DNM3: variants seen among roughly 807,000 people sequenced by gnomAD.
DNM3 encodes dynamin 3.
In DNM3, 47 loss-of-function variants were observed where a neutral mutation model predicts 101.6. That is an observed-to-expected ratio of 0.46 (90% CI 0.37 to 0.59). The LOEUF (loss-of-function observed/expected upper bound fraction) is 0.59. DNM3 is among the 20% of genes least tolerant of loss of function. DNM3 has a pLI of 0.00. For synonymous variants in DNM3, 385 were observed against 387.9 expected, an observed-to-expected ratio of 0.99 and a Z score of 0.09; for missense variants, 849 against 1,085.7, an observed-to-expected ratio of 0.78 and a Z score of 3.06.
intron 18 of DNM3, chr1:172,380,766 T>C (rs1410402702): frequency 6.6e-6 from 1 of 151,996 alleles, no homozygotes; most frequent in Non-Finnish European, 1.5e-5. Flanking sequence ...TTAAATGAAT[T>C]CAGGTTGTTT....
intron 1 of DNM3, among the ~76,000 whole-genome samples, chr1:171,860,523 T>C (rs2125040282): frequency 6.6e-6 from 1 of 152,300 alleles, no homozygotes; most frequent in South Asian, 2.1e-4. Flanking sequence ...TTTTACTTGC[T>C]TCTTTTTACT....
intron 10 of DNM3, among the ~76,000 whole-genome samples, chr1:172,067,786 A>C (rs2051807471): frequency 6.6e-6 from 1 of 152,206 alleles, no homozygotes; most frequent in Admixed American, 6.5e-5. Context: ...AGTGATTGAC[A>C]TACACAATTT....
chr1:171,970,763 A>T lies in DNM3; in HGVS notation c.236-16893A>T, dbSNP rs927901587. 2.3e-5 allele frequency among the ~76,000 whole-genome samples: 3 copies of T among 131,378 alleles called. No homozygotes were observed. In the East Asian group the frequency reaches 6.5e-4, roughly 28 times the overall value. 86.2% of individuals were successfully genotyped at this position (131,378 alleles called of 152,430 possible). A position where few individuals can be genotyped will look rare whatever the true frequency, so the allele number is the denominator to read the frequency against. On this transcript the variant is annotated intron_variant, in intron 2 of 20. Coordinates refer to ENST00000627582, the MANE Select transcript of DNM3 (RefSeq NM_015569.5). ...TGTGTATACAACTAACATTCCTTCT[A>T]ACTTTTTACTGGTCACTGTTTTTCA... is the stretch of plus-strand genomic sequence containing the variant.
chr1:172,184,944 G>A (rs2059471082), intron 14 of DNM3, among the ~76,000 whole-genome samples: 1 of 152,034 alleles, frequency 6.6e-6, no homozygotes, highest in Non-Finnish European at 1.5e-5. Flanking sequence ...TTCATGAGAT[G>A]CTGTCTTTGT....
At position 172,181,988 on chromosome 1, in the gene DNM3, C is replaced by T. The variant is rs1249242454; in HGVS notation, c.1659+50700C>T. The stretch of plus-strand genomic sequence containing the variant: ...CATGTCTGTTTTTGGTGGGTGTTGC[C>T]ACAACTTTATGAACTCTATTTAAAG... On this transcript the variant is annotated intron_variant, in intron 14 of 20. Transcript: ENST00000627582. 7.9e-5 allele frequency among the ~76,000 whole-genome samples: 12 copies of T among 151,962 alleles called. No individual in the cohort carries two copies. In the East Asian group the frequency reaches 2.1e-3, roughly 27 times the overall value.
intron 14 of DNM3, among the ~76,000 whole-genome samples, chr1:172,183,568 C>A (rs1303581822): frequency 6.6e-6 from 1 of 151,776 alleles, no homozygotes; most frequent in Admixed American, 6.6e-5. Context: ...AAAATTATTG[C>A]CAATTATTTT....
Position 172,253,692 on chromosome 1 carries a change from T to G in DNM3, c.1769+10T>G. 6.6e-7 allele frequency: 1 copy of G among 1,526,016 alleles called. No individual in the cohort carries two copies. Among genetic ancestry groups the G allele is most frequent in the Non-Finnish European group, 8.9e-7 (1 of 1,129,796 alleles). The allele number at this position is 1,526,016 out of a possible 1,614,324, so 94.5% of individuals were successfully genotyped here. A position where few individuals can be genotyped will look rare whatever the true frequency, so the allele number is the denominator to read the frequency against. ...TTAATACAGAGCAAAGGTAAGAAAT[T>G]GAAACAGTTCCTGTCTTCAGATTTT... On this transcript the variant is annotated intron_variant, in intron 15 of 20. Coordinates refer to ENST00000627582, the MANE Select transcript of DNM3 (RefSeq NM_015569.5).
At chr1:171,974,995 T>G (rs1297396815) in intron 2 of DNM3, among the ~76,000 whole-genome samples, 1 of 151,994 alleles carries the variant, frequency 6.6e-6, no homozygotes, top group African/African-American at 2.4e-5. Context: ...AGACTGCACG[T>G]GCATGCCACC....
intron 1 of DNM3, among the ~76,000 whole-genome samples, chr1:171,854,652 G>A (rs2033385337): frequency 6.6e-6 from 1 of 151,978 alleles, no homozygotes; most frequent in Non-Finnish European, 1.5e-5. Context: ...AAGAAAAATT[G>A]AAAGACCTCT....
intron 17 of DNM3, among the ~76,000 whole-genome samples, chr1:172,369,354 A>G (rs148955992): frequency 1.3e-5 from 2 of 152,158 alleles, no homozygotes; most frequent in African/African-American, 4.8e-5. Flanking sequence ...TATCACATCA[A>G]CAGAATGAAG....
rs539330189 is a variant in DNM3 at position 172,281,068 on chromosome 1, TGTG to T, written c.1769+27387_1769+27389del. Among the ~76,000 whole-genome samples, 40 of 94,688 alleles carry T rather than the reference TGTG, an allele frequency of 4.2e-4. No homozygotes were observed. In the South Asian group the frequency reaches 0.014, roughly 33 times the overall value. 62.1% of individuals were successfully genotyped at this position (94,688 alleles called of 152,430 possible). On this transcript the variant is annotated intron_variant, in intron 15 of 20. Transcript: ENST00000627582. ...TATGAAAAACTAAATGTGATAATAT[TGTG>T]TGTGTGTGTGTGTGTGTGTGTATGT... is the stretch of plus-strand genomic sequence containing the variant.
intron 2 of DNM3, among the ~76,000 whole-genome samples, chr1:171,972,841 C>T (rs950194901): frequency 4.8e-5 from 6 of 125,156 alleles, no homozygotes; most frequent in African/African-American, 1.8e-4. Flanking sequence ...AAGAGCAAAA[C>T]TCCATCTCAA....
chr1:172,103,002 A>G (rs1161737955), intron 13 of DNM3, among the ~76,000 whole-genome samples: 2 of 152,216 alleles, frequency 1.3e-5, no homozygotes, highest in Non-Finnish European at 2.9e-5. Flanking sequence ...ACTTGTATCC[A>G]AAGTACATAA....
intron 4 of DNM3, among the ~76,000 whole-genome samples, chr1:172,025,316 A>G (rs2048125842): frequency 6.6e-6 from 1 of 152,170 alleles, no homozygotes. Flanking sequence ...GGCCTTATAG[A>G]TAAAACTCCT....
chr1:172,026,504 G>A (rs921948072), intron 4 of DNM3, among the ~76,000 whole-genome samples: 3 of 152,034 alleles, frequency 2.0e-5, no homozygotes, highest in South Asian at 2.1e-4. Context: ...ACACATAACC[G>A]TCAGACTCAC....
rs34753464 is a variant in DNM3, at chr1:171,882,430, T to TACACAC, written c.162-39289_162-39284dup. ...CTCGTTTTGTCTCTGTCTCTCTCTATACACACACACACACACACACACACA... is the reference window on the plus strand; with the variant it reads ...CTCGTTTTGTCTCTGTCTCTCTCTATACACACACACACACACACACACACACACACA... On this transcript the variant is annotated intron_variant, in intron 1 of 20. Coordinates refer to ENST00000627582, the MANE Select transcript of DNM3 (RefSeq NM_015569.5). 5.3e-3 allele frequency among the ~76,000 whole-genome samples: 770 copies of TACACAC among 145,422 alleles called. 7 individuals are homozygous for TACACAC. The highest frequency in any genetic ancestry group is 0.015 in the East Asian group (77 of 5,026).
At chr1:171,898,155 A>G (rs2037978112) in intron 1 of DNM3, among the ~76,000 whole-genome samples, 2 of 152,200 alleles carry the variant, frequency 1.3e-5, no homozygotes, top group Non-Finnish European at 2.9e-5. Flanking sequence ...ATGGATGGAA[A>G]TAATAAAAAT....
intron 2 of DNM3, among the ~76,000 whole-genome samples, chr1:171,940,018 A>C (rs867544477): frequency 9.9e-5 from 15 of 152,184 alleles, no homozygotes; most frequent in African/African-American, 3.4e-4. Flanking sequence ...CTGACCACGC[A>C]GAGAAGGACA....
At chr1:172,305,309 T>C (rs1435869306) in intron 15 of DNM3, among the ~76,000 whole-genome samples, 1 of 152,036 alleles carries the variant, frequency 6.6e-6, no homozygotes, top group Non-Finnish European at 1.5e-5. Context: ...CCTGGACACA[T>C]ACACCATCCT....
Sources: allele counts gnomAD v4.1 joint callset (sites outside exome capture counted in the v4.1 genomes callset), GRCh38; gene constraint gnomAD v4.1.1; transcripts MANE v1.5; gene names NCBI Gene and HGNC (gene_info 2026-07-23, HGNC 2026-07-21).